Variants in GPR89B observed in about 807,000 individuals in gnomAD.
GPR89B encodes the protein golgi pH regulator B.
A neutral mutation model predicts 52.4 loss-of-function variants in GPR89B; 25 were observed. The observed-to-expected ratio is 0.48, with a 90% CI of 0.35 to 0.67. The LOEUF (loss-of-function observed/expected upper bound fraction) is 0.67. Among genes scored for constraint, GPR89B ranks in the 30% least tolerant of loss-of-function variants. The pLI, the probability that GPR89B is intolerant of heterozygous loss-of-function variation, is 0.01. For missense variants in GPR89B, 146 were observed against 450.2 expected, an observed-to-expected ratio of 0.32 and a Z score of 6.11; for synonymous variants, 52 against 151.2, an observed-to-expected ratio of 0.34 and a Z score of 4.81.
rs1241641753 is a variant in GPR89B at position 147,981,580 on chromosome 1, A to G, written c.910-4619A>G. On this transcript the variant is annotated intron_variant, in intron 10 of 13. Coordinates refer to ENST00000314163, the MANE Select transcript of GPR89B (RefSeq NM_016334.5). ...ACACCACATTTTTTATCCATTTATT[A>G]GTTGATGTACATTAGGATTGTTTCT... 2.0e-5 allele frequency among the ~76,000 whole-genome samples: 3 copies of G among 150,472 alleles called. No individual in the cohort carries two copies. The East Asian group carries it at 5.8e-4, about 29-fold the overall frequency.
intron 12 of GPR89B, among the ~76,000 whole-genome samples, chr1:147,990,833 G>C (rs1178369769): frequency 6.6e-6 from 1 of 151,328 alleles, no homozygotes; most frequent in African/African-American, 2.4e-5. Flanking sequence ...CCAGTACCAT[G>C]CTGTTTTGGT....
intron 5 of GPR89B, among the ~76,000 whole-genome samples, chr1:147,946,402 T>G (rs1321391130): frequency 1.9e-4 from 29 of 152,272 alleles, no homozygotes; most frequent in South Asian, 8.3e-4. Context: ...ATGAGTTTAC[T>G]ACTTTAACAC....
the GPR89B span, among the ~76,000 whole-genome samples, chr1:148,004,886 AACACACACACACACACAC>A: frequency 7.1e-5 from 8 of 111,978 alleles, no homozygotes; most frequent in Admixed American, 3.6e-4. Flanking sequence ...ATCTCTACAA[AACACACACACACACACAC>A]ACACACACAC....
At chr1:148,023,408 A>G in the GPR89B span, among the ~76,000 whole-genome samples, 1 of 145,854 alleles carries the variant, frequency 6.9e-6, no homozygotes, top group Non-Finnish European at 1.5e-5. Flanking sequence ...TGATCATAGG[A>G]GCGCATGTGT....
downstream of GPR89B, among the ~76,000 whole-genome samples, chr1:147,995,437 C>T (rs1381440076): frequency 6.6e-6 from 1 of 151,802 alleles, no homozygotes; most frequent in African/African-American, 2.4e-5. Flanking sequence ...TATACTGCCT[C>T]CTGTCCTCTA....
chr1:147,945,058 T>C (rs1272533956), intron 5 of GPR89B, among the ~76,000 whole-genome samples: 1 of 140,048 alleles, frequency 7.1e-6, no homozygotes, highest in Non-Finnish European at 1.5e-5. Context: ...GATGCAAAGC[T>C]TAACTGCTAT....
the GPR89B span, among the ~76,000 whole-genome samples, chr1:148,015,620 CTATTT>C: frequency 4.4e-5 from 6 of 137,744 alleles, no homozygotes; most frequent in African/African-American, 7.7e-5. Flanking sequence ...GGCCTTCTCT[CTATTT>C]TGTTTGTTTG....
chr1:148,009,304 C>G, the GPR89B span: 7 of 1,541,658 alleles, frequency 4.5e-6, no homozygotes, highest in Non-Finnish European at 6.2e-6. Flanking sequence ...TTGTCTGTGC[C>G]CTGCCCCTGC....
chr1:147,986,160 T>G, intron 10 of GPR89B, 39 bp from the exon 11 acceptor site: 1 of 1,609,998 alleles, frequency 6.2e-7, no homozygotes. Flanking sequence ...AGTAAGTGAT[T>G]GTTAAGATGC....
chr1:147,977,896 C>A (rs1323515379), intron 10 of GPR89B, among the ~76,000 whole-genome samples: 3 of 151,576 alleles, frequency 2.0e-5, no homozygotes, highest in Non-Finnish European at 4.4e-5. Flanking sequence ...AATGTTTTAT[C>A]ATGGTTCTTG....
the GPR89B span, among the ~76,000 whole-genome samples, chr1:148,023,601 T>C: frequency 7.3e-6 from 1 of 137,782 alleles, no homozygotes; most frequent in Non-Finnish European, 1.6e-5. Context: ...TCAGCATCTG[T>C]TGGTTTTTGA....
At chr1:148,002,317 C>T in the GPR89B span, among the ~76,000 whole-genome samples, 1 of 151,954 alleles carries the variant, frequency 6.6e-6, no homozygotes, top group Non-Finnish European at 1.5e-5. Flanking sequence ...CCTTACACAT[C>T]CCACTTCTTC....
At chr1:148,001,960 G>A in the GPR89B span, among the ~76,000 whole-genome samples, 1 of 151,676 alleles carries the variant, frequency 6.6e-6, no homozygotes, top group African/African-American at 2.4e-5. Context: ...TAGCAATTGG[G>A]TGTGTTCGGT....
Position 147,973,734 on chromosome 1 carries a change from AC to A in GPR89B, c.909+3777del, listed in dbSNP as rs1484660293. 2.5e-3 allele frequency among the ~76,000 whole-genome samples: 373 copies of A among 151,752 alleles called. 9 individuals are homozygous for A. The highest frequency in any genetic ancestry group is 8.2e-3 in the African/African-American group (338 of 41,226). ...TTGCTTTTGACATTTTTGTCATGAAACCTTTGCCTGTGCCATGTCCTGAATG... is the reference window on the plus strand; with the variant it reads ...TTGCTTTTGACATTTTTGTCATGAAACTTTGCCTGTGCCATGTCCTGAATG... On this transcript the variant is annotated intron_variant, in intron 10 of 13. Coordinates refer to ENST00000314163, the MANE Select transcript of GPR89B (RefSeq NM_016334.5).
chr1:147,929,691 C>T lies in GPR89B; in HGVS notation c.42+1113C>T, dbSNP rs182172702. Among the ~76,000 whole-genome samples, 583 of 152,226 alleles carry T rather than the reference C, an allele frequency of 3.8e-3. 8 individuals are homozygous for T. Among genetic ancestry groups the T allele is most frequent in the African/African-American group, 0.013 (547 of 41,524 alleles). On this transcript the variant is annotated intron_variant, in intron 1 of 13. Transcript: ENST00000314163. ...CATCCTAATACTCGTCTCCGTAGAG[C>T]GGAGCATTGTCCTTTTCTCTTCAAA...
chr1:147,952,772 A>G (rs1655819098), intron 5 of GPR89B, among the ~76,000 whole-genome samples: 1 of 151,454 alleles, frequency 6.6e-6, no homozygotes, highest in Non-Finnish European at 1.5e-5. Flanking sequence ...ACAATTGATA[A>G]TTAGGATACA....
At chr1:147,960,481 T>C (rs1338721348) in intron 7 of GPR89B, among the ~76,000 whole-genome samples, 62 of 152,162 alleles carry the variant, frequency 4.1e-4, no homozygotes, top group Middle Eastern at 3.4e-3. Flanking sequence ...ATCCAAAGAC[T>C]GAAAACTACA....
the GPR89B span, among the ~76,000 whole-genome samples, chr1:148,025,378 C>T: frequency 6.6e-6 from 1 of 151,502 alleles, no homozygotes; most frequent in African/African-American, 2.4e-5. Flanking sequence ...CATAGGATTG[C>T]CAGGCGCAGT....
chr1:148,013,774 G>C, the GPR89B span, among the ~76,000 whole-genome samples: 1 of 151,976 alleles, frequency 6.6e-6, no homozygotes, highest in Non-Finnish European at 1.5e-5. Flanking sequence ...GTTAAGAGAC[G>C]TGCATCCAAC....
Sources: gnomAD v4.1 joint callset for allele counts (sites outside exome capture counted in the v4.1 genomes callset) on GRCh38, gnomAD v4.1.1 for gene constraint, MANE v1.5 for transcripts, NCBI Gene and HGNC (gene_info 2026-07-23, HGNC 2026-07-21) for gene names.